Variants in SLC48A1 observed in about 807,000 individuals in gnomAD.
SLC48A1 encodes heme transporter HRG1.
In SLC48A1, 6 loss-of-function variants were observed where a neutral mutation model predicts 14.8. The ratio of observed to expected loss-of-function variants is 0.41; its 90% confidence interval spans 0.22 to 0.80. The LOEUF is 0.80. Ranked by LOEUF, SLC48A1 falls within the 30% of genes least tolerant of loss-of-function variation. The pLI is 0.34. For missense variants in SLC48A1, 165 were observed against 204.8 expected (o/e 0.81, Z 1.19); for synonymous variants, 89 against 90.0 (o/e 0.99, Z 0.06).
chr12:47,780,570 T>C lies in SLC48A1; in HGVS notation c.*289T>C. 3 of 365,832 alleles carry C rather than the reference T, an allele frequency of 8.2e-6. No individual in the cohort carries two copies. The highest frequency in any genetic ancestry group is 5.4e-6 in the Non-Finnish European group (1 of 183,600). The allele number at this position is 365,832 out of a possible 1,614,324, so 22.7% of individuals were successfully genotyped here. On this transcript the variant is annotated 3_prime_UTR_variant, in exon 3 of 3. Transcript: ENST00000442218. ...TTTCTTTTCTTTCTTTTTTTTTTCT[T>C]TTTTTTTTTTTTTTGAGATGGAGTC...
chr12:47,778,063 AT>A (rs1223048614), intron 1 of SLC48A1, among the ~76,000 whole-genome samples: 7 of 151,962 alleles, frequency 4.6e-5, no homozygotes, highest in African/African-American at 1.7e-4. Context: ...CTCCTTCCTC[AT>A]TTGTCCCTTG....
At chr12:47,758,253 G>C (rs1942218846), upstream of SLC48A1, 4 of 1,433,366 alleles carry the variant, frequency 2.8e-6, no homozygotes, top group South Asian at 6.0e-5. Flanking sequence ...ACTGGGGCCT[G>C]CCGGTCTGGC....
At chr12:47,756,491 T>C (rs1189777355), upstream of SLC48A1, 1 of 152,198 alleles carries the variant, frequency 6.6e-6, no homozygotes, top group East Asian at 1.9e-4. Flanking sequence ...AAGACCCTAG[T>C]AGAGAACAGC....
Position 47,781,086 on chromosome 12 carries a change from G to A in SLC48A1, c.*805G>A. 2.9e-6 allele frequency: 1 copy of A among 347,052 alleles called. No individual in the cohort carries two copies. Among genetic ancestry groups the A allele is most frequent in the Non-Finnish European group, 5.7e-6 (1 of 175,628 alleles). 21.5% of individuals were successfully genotyped at this position (347,052 alleles called of 1,614,324 possible). A position where few individuals can be genotyped will look rare whatever the true frequency, so the allele number is the denominator to read the frequency against. On this transcript the variant is annotated 3_prime_UTR_variant, in exon 3 of 3. Coordinates refer to ENST00000442218, the MANE Select transcript of SLC48A1 (RefSeq NM_017842.3). ...AGAGACCTCTTAAACCCCCATCCCA[G>A]CACCCCATCCTGTTGTTCCCAGAGC...
At chr12:47,759,864 C>T (rs924129122) in intron 1 of SLC48A1, among the ~76,000 whole-genome samples, 1 of 149,238 alleles carries the variant, frequency 6.7e-6, no homozygotes, top group East Asian at 2.0e-4. Context: ...TTGAGCCAGC[C>T]CAGACTGGGA....
chr12:47,776,659 G>A (rs967605537), intron 1 of SLC48A1, among the ~76,000 whole-genome samples: 2 of 152,134 alleles, frequency 1.3e-5, no homozygotes, highest in African/African-American at 4.8e-5. Context: ...GGTGAGAGGT[G>A]GGTAAACCAT....
chr12:47,771,135 A>AT (rs775933772), upstream of SLC48A1: 1 of 288,424 alleles, frequency 3.5e-6, no homozygotes, highest in Non-Finnish European at 7.0e-6. Flanking sequence ...GGCTGGGTTT[A>AT]TTTTTTTATT....
At chr12:47,759,203 A>C in intron 1 of SLC48A1, 3 of 676,308 alleles carry the variant, frequency 4.4e-6, no homozygotes, top group Non-Finnish European at 5.5e-6. Flanking sequence ...CAAACAAGGA[A>C]ACCGGGGAGA....
chr12:47,765,851 A>G (rs1301261059), intron 2 of SLC48A1, among the ~76,000 whole-genome samples: 1 of 152,212 alleles, frequency 6.6e-6, no homozygotes, highest in Non-Finnish European at 1.5e-5. Context: ...GAAGACCCTC[A>G]GGAGAGGTTT....
At position 47,774,710 on chromosome 12, in the gene SLC48A1, A is replaced by G. The variant is rs3782909; in HGVS notation, c.136+1270A>G. Among the ~76,000 whole-genome samples the G allele has an allele frequency of 1.0e-3, 157 of 152,216 alleles. 4 individuals are homozygous for G. The East Asian group carries it at 0.027, about 26-fold the overall frequency. On this transcript the variant is annotated intron_variant, in intron 1 of 2. Transcript: ENST00000442218. ...GGGCCCCACCCTACACAATGCCAAC[A>G]AAGCACTGGGTCACCAAGAAGGGGG...
In SLC48A1 at chr12:47,758,662, T is replaced by A. The variant is rs1024567871; in HGVS notation, c.-373+2T>A. 3.2e-6 allele frequency: 5 copies of A among 1,574,114 alleles called. No individual in the cohort carries two copies. The African/African-American group carries it at 4.1e-5, about 13-fold the overall frequency. ...AGGGGATCCGGAGGGTGCCAGTGGG[T>A]AAGTCCAGGTACAGTGAACTGGGCC... is the stretch of plus-strand genomic sequence containing the variant. On this transcript the variant is annotated splice_donor_variant, in intron 1 of 4. Transcript: ENST00000547002. LOFTEE classifies it low-confidence loss of function (5UTR_SPLICE).
chr12:47,754,216 C>T (rs572626564), upstream of SLC48A1, among the ~76,000 whole-genome samples: 3 of 152,376 alleles, frequency 2.0e-5, no homozygotes, highest in South Asian at 2.1e-4. Flanking sequence ...TATGCCCTAC[C>T]GTCTTCCATT....
intron 1 of SLC48A1, 111 bp from the exon 2 acceptor site, chr12:47,778,917 A>G: frequency 8.1e-7 from 1 of 1,242,230 alleles, no homozygotes; most frequent in Non-Finnish European, 1.1e-6. Flanking sequence ...CTATGAGGGA[A>G]TGAGAGACAA....
chr12:47,780,652 C>T lies in SLC48A1; in HGVS notation c.*371C>T, dbSNP rs777852333. The T allele has an allele frequency of 4.8e-6, 2 of 415,888 alleles. No homozygotes were observed. The highest frequency in any genetic ancestry group is 8.4e-4 in the Middle Eastern group (1 of 1,194). The allele number at this position is 415,888 out of a possible 1,614,324, so 25.8% of individuals were successfully genotyped here. ...TGCGATCTCAGCTCACTGCAACCTC[C>T]GCCTCCCAGGTTCAAGCAATTCTCC... On this transcript the variant is annotated 3_prime_UTR_variant, in exon 3 of 3. Transcript: ENST00000442218.
upstream of SLC48A1, among the ~76,000 whole-genome samples, chr12:47,770,285 A>G (rs938323401): frequency 1.3e-5 from 2 of 152,194 alleles, no homozygotes; most frequent in African/African-American, 4.8e-5. Flanking sequence ...CTGCTCTCCC[A>G]TACTCCTAAT....
upstream of SLC48A1, among the ~76,000 whole-genome samples, chr12:47,767,197 G>T (rs117291903): frequency 5.9e-4 from 89 of 152,108 alleles, 1 homozygote; most frequent in East Asian, 0.017. Flanking sequence ...GCTGGGGTGG[G>T]GGGGTGGAGG....
chr12:47,758,432 C>T, upstream of SLC48A1: 18 of 1,561,886 alleles, frequency 1.2e-5, no homozygotes, highest in Non-Finnish European at 1.6e-5. Flanking sequence ...GGCTTAAACC[C>T]TTCTCCTCTC....
At chr12:47,757,396 C>T (rs1043237223), upstream of SLC48A1, among the ~76,000 whole-genome samples, 8 of 152,102 alleles carry the variant, frequency 5.3e-5, no homozygotes, top group Admixed American at 4.6e-4. Flanking sequence ...AAGCAGTGTC[C>T]ACATGATCAC....
intron 2 of SLC48A1, among the ~76,000 whole-genome samples, chr12:47,764,916 C>T (rs1942480047): frequency 6.6e-6 from 1 of 151,574 alleles, no homozygotes; most frequent in African/African-American, 2.4e-5. Flanking sequence ...ATCTCTACTA[C>T]AGATACAAAA....
Sources: allele counts gnomAD v4.1 joint callset (sites outside exome capture counted in the v4.1 genomes callset), GRCh38; gene constraint gnomAD v4.1.1; transcripts MANE v1.5; gene names NCBI Gene and HGNC (gene_info 2026-07-23, HGNC 2026-07-21).